The following MYO1B variants were observed in gnomAD, a reference collection of about 807,000 sequenced individuals.
MYO1B encodes myosin IB, also known as unconventional myosin-Ib.
A neutral mutation model predicts 159.7 loss-of-function variants in MYO1B; 72 were observed. The ratio of observed to expected loss-of-function variants is 0.45; its 90% CI spans 0.37 to 0.55. The LOEUF is 0.55. Ranked by LOEUF, MYO1B falls within the 20% of genes least tolerant of loss-of-function variation. The probability of loss-of-function intolerance (pLI) is 0.00; values close to 1 mark genes in which losing one functional copy is unlikely to be tolerated. For synonymous variants in MYO1B, 468 were observed against 473.8 expected (o/e 0.99, Z 0.16); for missense variants, 1,062 against 1,364.8 (o/e 0.78, Z 3.50).
At chr2:191,350,091 G>C (rs1692815059) in intron 6 of MYO1B, 71 bp from the exon 7 acceptor site, 3 of 1,255,180 alleles carry the variant, frequency 2.4e-6, no homozygotes, top group Admixed American at 1.7e-5. Flanking sequence ...TTAGTCTGCT[G>C]TTCTCTAAGA....
chr2:191,423,295 C>G (rs1030123151), intron 30 of MYO1B, among the ~76,000 whole-genome samples: 3 of 152,026 alleles, frequency 2.0e-5, no homozygotes, highest in African/African-American at 7.2e-5. Flanking sequence ...AATTGTAACA[C>G]AATGGTAAAT....
At chr2:191,284,733 A>G (rs1559139669) in intron 2 of MYO1B, among the ~76,000 whole-genome samples, 1 of 152,072 alleles carries the variant, frequency 6.6e-6, no homozygotes, top group Non-Finnish European at 1.5e-5. Flanking sequence ...CCTGGGTTCA[A>G]ACGGTTCTTC....
At chr2:191,274,643 G>T (rs1574313845) in intron 1 of MYO1B, among the ~76,000 whole-genome samples, 1 of 152,172 alleles carries the variant, frequency 6.6e-6, no homozygotes, top group Admixed American at 6.5e-5. Context: ...CATGGAGCCT[G>T]AGAACTTGAA....
chr2:191,329,503 A>G (rs1303560502), intron 3 of MYO1B, among the ~76,000 whole-genome samples: 1 of 151,590 alleles, frequency 6.6e-6, no homozygotes, highest in Non-Finnish European at 1.5e-5. Flanking sequence ...GTGGTGTAAC[A>G]TTTTCTCCTT....
chr2:191,371,718 G>GA, intron 13 of MYO1B, among the ~76,000 whole-genome samples: 1 of 152,166 alleles, frequency 6.6e-6, no homozygotes, highest in Non-Finnish European at 1.5e-5. Context: ...CTGGAAGTAA[G>GA]AAAAAAATAA....
At chr2:191,387,581 AC>A in intron 17 of MYO1B, 131 bp downstream of exon 17, 1 of 787,902 alleles carries the variant, frequency 1.3e-6, no homozygotes, top group South Asian at 1.6e-5. Flanking sequence ...ATTAAATAAT[AC>A]CTTATCTGGG....
chr2:191,380,183 G>C (rs1694955856), intron 13 of MYO1B, among the ~76,000 whole-genome samples: 1 of 152,220 alleles, frequency 6.6e-6, no homozygotes, highest in Non-Finnish European at 1.5e-5. Flanking sequence ...TTCCAGGAAA[G>C]AATGTAGTTA....
chr2:191,391,660 G>A (rs963060044), intron 18 of MYO1B, among the ~76,000 whole-genome samples: 2 of 152,166 alleles, frequency 1.3e-5, no homozygotes, highest in Non-Finnish European at 1.5e-5. Context: ...TAAGGCCCAC[G>A]TTCCTTAGCG....
At chr2:191,274,084 G>GTA (rs1687613535) in intron 1 of MYO1B, among the ~76,000 whole-genome samples, 1 of 152,170 alleles carries the variant, frequency 6.6e-6, no homozygotes, top group East Asian at 1.9e-4. Context: ...TGAGAATGAG[G>GTA]TAGGCTGTCA....
chr2:191,261,380 TC>T (rs1686801404), intron 1 of MYO1B, among the ~76,000 whole-genome samples: 1 of 152,102 alleles, frequency 6.6e-6, no homozygotes, highest in African/African-American at 2.4e-5. Flanking sequence ...ATTTGGGGGA[TC>T]ATAAAATAAA....
At chr2:191,252,883 AT>A (rs1161885351) in intron 1 of MYO1B, among the ~76,000 whole-genome samples, 1 of 151,818 alleles carries the variant, frequency 6.6e-6, no homozygotes, top group African/African-American at 2.4e-5. Flanking sequence ...CTACTTCCCC[AT>A]TTTCTGTGAC....
intron 30 of MYO1B, 117 bp downstream of exon 30, chr2:191,416,359 A>C: frequency 8.0e-7 from 1 of 1,246,230 alleles, no homozygotes; most frequent in Non-Finnish European, 1.1e-6. Flanking sequence ...TGTGTCTAGT[A>C]GTTGTTCCAC....
At chr2:191,282,006 G>A (rs1688091864) in intron 2 of MYO1B, among the ~76,000 whole-genome samples, 1 of 152,136 alleles carries the variant, frequency 6.6e-6, no homozygotes, top group African/African-American at 2.4e-5. Flanking sequence ...ATACTTTTAT[G>A]AAAGATACTC....
intron 30 of MYO1B, among the ~76,000 whole-genome samples, chr2:191,419,051 G>A (rs971063233): frequency 9.9e-5 from 15 of 152,206 alleles, no homozygotes; most frequent in Non-Finnish European, 1.3e-4. Flanking sequence ...GATGTCACAG[G>A]TGTTGTAATG....
intron 6 of MYO1B, among the ~76,000 whole-genome samples, chr2:191,348,409 C>T (rs1405237423): frequency 6.6e-6 from 1 of 152,292 alleles, no homozygotes; most frequent in African/African-American, 2.4e-5. Flanking sequence ...TAGATTCTGT[C>T]GCCTCCTGTG....
intron 2 of MYO1B, among the ~76,000 whole-genome samples, chr2:191,287,434 G>A (rs1203074429): frequency 6.6e-6 from 1 of 152,000 alleles, no homozygotes; most frequent in Non-Finnish European, 1.5e-5. Flanking sequence ...GGAGGCTGAG[G>A]CAGGAGAATT....
intron 18 of MYO1B, 125 bp from the exon 19 acceptor site, chr2:191,391,983 T>C: frequency 1.7e-6 from 1 of 591,648 alleles, no homozygotes; most frequent in South Asian, 3.9e-5. Context: ...GGATGATTGC[T>C]GAAAGAGCAA....
intron 2 of MYO1B, among the ~76,000 whole-genome samples, chr2:191,293,595 A>G (rs1331309235): frequency 6.6e-6 from 1 of 152,170 alleles, no homozygotes; most frequent in Non-Finnish European, 1.5e-5. Context: ...TACCTTCCTG[A>G]TGTTGCCATG....
intron 17 of MYO1B, among the ~76,000 whole-genome samples, chr2:191,388,900 T>C (rs1326623244): frequency 6.6e-6 from 1 of 152,202 alleles, no homozygotes; most frequent in East Asian, 1.9e-4. Flanking sequence ...TTTTTACAGC[T>C]TTTCTAAGAA....
Sources: allele counts gnomAD v4.1 joint callset (sites outside exome capture counted in the v4.1 genomes callset), GRCh38; gene constraint gnomAD v4.1.1; transcripts MANE v1.5; gene names NCBI Gene and HGNC (gene_info 2026-07-23, HGNC 2026-07-21).